The following INSC variants were observed in gnomAD, a reference collection of about 807,000 sequenced individuals.
INSC encodes protein inscuteable homolog.
INSC carries 67 observed loss-of-function variants against 58.6 expected under a neutral mutation model. That is an observed-to-expected ratio of 1.14 (90% CI 0.94 to 1.40). The LOEUF (loss-of-function observed/expected upper bound fraction) is 1.40, where lower values mean the gene tolerates loss of function less well. INSC is among the 40% of genes most tolerant of loss of function. INSC has a pLI of 0.00. For synonymous variants in INSC, 262 were observed against 276.1 expected, an observed-to-expected ratio of 0.95 and a Z score of 0.51; for missense variants, 714 against 692.0, an observed-to-expected ratio of 1.03 and a Z score of -0.36.
chr11:15,111,563 A>G (rs1438266551), upstream of INSC, among the ~76,000 whole-genome samples: 1 of 152,120 alleles, frequency 6.6e-6, no homozygotes, highest in Non-Finnish European at 1.5e-5. Flanking sequence ...TTTAGGTGAA[A>G]TAAGCTATTT....
At chr11:15,197,964 G>GGTCA (rs1850432324) in intron 6 of INSC, among the ~76,000 whole-genome samples, 1 of 152,012 alleles carries the variant, frequency 6.6e-6, no homozygotes, top group Non-Finnish European at 1.5e-5. Context: ...GATTCTGCTA[G>GGTCA]GTCAGGCCAT....
At chr11:15,118,075 T>G (rs964446938) in intron 1 of INSC, among the ~76,000 whole-genome samples, 3 of 152,218 alleles carry the variant, frequency 2.0e-5, no homozygotes, top group Admixed American at 6.5e-5. Flanking sequence ...GGGCTCTCTG[T>G]GTCTCTTGGA....
chr11:15,248,769 A>G (rs990297512), downstream of INSC, among the ~76,000 whole-genome samples: 1 of 152,218 alleles, frequency 6.6e-6, no homozygotes, highest in African/African-American at 2.4e-5. Context: ...AGGTGCATGT[A>G]TATCAACCAG....
At chr11:15,162,392 ATTCT>A (rs1320565156) in intron 2 of INSC, among the ~76,000 whole-genome samples, 4 of 152,100 alleles carry the variant, frequency 2.6e-5, no homozygotes, top group African/African-American at 9.7e-5. Context: ...ATTTCAGCTA[ATTCT>A]TTCACCTCTT....
rs1311367836 is a variant in INSC at position 15,246,201 on chromosome 11, TCAAA to T, written c.*164_*167del. 63 of 645,802 alleles carry T rather than the reference TCAAA, an allele frequency of 9.8e-5. No homozygotes were observed. In the South Asian group the frequency reaches 1.8e-3, roughly 18 times the overall value. 40.0% of individuals were successfully genotyped at this position (645,802 alleles called of 1,614,324 possible). A position where few individuals can be genotyped will look rare whatever the true frequency, so the allele number is the denominator to read the frequency against. On this transcript the variant is annotated 3_prime_UTR_variant, in exon 13 of 13. Transcript: ENST00000379556. Reference sequence around the variant, plus strand: ...AGGACAAAATCTTAGAGCAACATCATCAAACAGTCTTTGGTCCTTGAGAATCTTC... The same window carrying T: ...AGGACAAAATCTTAGAGCAACATCATCAGTCTTTGGTCCTTGAGAATCTTC...
chr11:15,153,849 A>G (rs1039978389), intron 2 of INSC, among the ~76,000 whole-genome samples: 3 of 152,170 alleles, frequency 2.0e-5, no homozygotes, highest in African/African-American at 7.2e-5. Context: ...AACTGTCACA[A>G]TACTCTTCAG....
the INSC span, among the ~76,000 whole-genome samples, chr11:15,261,859 T>C: frequency 1.3e-5 from 2 of 152,080 alleles, no homozygotes; most frequent in Non-Finnish European, 2.9e-5. Context: ...TTGTATACTT[T>C]TGTGCAGGTG....
intron 11 of INSC, among the ~76,000 whole-genome samples, chr11:15,239,618 C>T (rs1429379456): frequency 6.6e-6 from 1 of 152,204 alleles, no homozygotes; most frequent in African/African-American, 2.4e-5. Flanking sequence ...CTGGATATGA[C>T]ATTGTCCTGA....
chr11:15,269,600 CAT>C, the INSC span, among the ~76,000 whole-genome samples: 14 of 151,870 alleles, frequency 9.2e-5, no homozygotes, highest in African/African-American at 3.4e-4. Flanking sequence ...TGAGGAGGAA[CAT>C]GTGTAAAGAA....
At chr11:15,192,810 A>C (rs1475215686) in intron 6 of INSC, among the ~76,000 whole-genome samples, 3 of 152,190 alleles carry the variant, frequency 2.0e-5, no homozygotes, top group African/African-American at 7.2e-5. Flanking sequence ...GCAAGTTCTC[A>C]GGGTACTACA....
chr11:15,184,405 GT>G (rs769971396), intron 5 of INSC: 146 of 193,528 alleles, frequency 7.5e-4, no homozygotes, highest in Middle Eastern at 2.3e-3. Flanking sequence ...TTTTCTTTTT[GT>G]TTTTTTTTGA....
the INSC span, among the ~76,000 whole-genome samples, chr11:15,253,647 T>C: frequency 1.4e-5 from 2 of 145,938 alleles, no homozygotes; most frequent in Admixed American, 1.4e-4. Context: ...TTTTTTTTAA[T>C]AATATTCAGA....
chr11:15,118,275 G>A (rs565978006), intron 1 of INSC, among the ~76,000 whole-genome samples: 9 of 152,314 alleles, frequency 5.9e-5, no homozygotes, highest in South Asian at 2.1e-4. Context: ...CTGCAGAGGT[G>A]CACCTCATCT....
intron 7 of INSC, among the ~76,000 whole-genome samples, chr11:15,218,682 A>G (rs1432355836): frequency 6.6e-6 from 1 of 152,302 alleles, no homozygotes; most frequent in South Asian, 2.1e-4. Flanking sequence ...GGCAATTGGC[A>G]ATTGTATAAG....
chr11:15,184,530 G>A (rs1849895629), intron 5 of INSC: 1 of 154,366 alleles, frequency 6.5e-6, no homozygotes, highest in Non-Finnish European at 1.4e-5. Flanking sequence ...CAGGTAGCTG[G>A]GACTACAGGC....
chr11:15,238,458 C>A (rs973259555), intron 10 of INSC, among the ~76,000 whole-genome samples: 1 of 152,240 alleles, frequency 6.6e-6, no homozygotes, highest in South Asian at 2.1e-4. Flanking sequence ...GAGTTTCTTT[C>A]GTTTTCTTAA....
At chr11:15,114,886 C>T (rs1208924921), upstream of INSC, 2 of 967,556 alleles carry the variant, frequency 2.1e-6, no homozygotes, top group East Asian at 1.2e-4. Context: ...GGGCGGGGGC[C>T]AGGGGCGGCC....
chr11:15,263,547 A>G, the INSC span, among the ~76,000 whole-genome samples: 1 of 152,180 alleles, frequency 6.6e-6, no homozygotes, highest in South Asian at 2.1e-4. Flanking sequence ...AACAGCAAAA[A>G]TGAAAGCTGT....
intron 2 of INSC, among the ~76,000 whole-genome samples, chr11:15,168,822 AG>A (rs1849290521): frequency 6.6e-6 from 1 of 152,152 alleles, no homozygotes; most frequent in African/African-American, 2.4e-5. Flanking sequence ...GGTAATAGTT[AG>A]GTTTCTTTAT....
Sources: allele counts gnomAD v4.1 joint callset (sites outside exome capture counted in the v4.1 genomes callset), GRCh38; gene constraint gnomAD v4.1.1; transcripts MANE v1.5; gene names NCBI Gene and HGNC (gene_info 2026-07-23, HGNC 2026-07-21).